MAN1B1: variants seen among roughly 807,000 people sequenced by gnomAD.
MAN1B1 encodes the protein mannosidase alpha class 1B member 1.
A neutral mutation model predicts 75.5 loss-of-function variants in MAN1B1; 66 were observed. The ratio of observed to expected loss-of-function variants is 0.87; its 90% confidence interval spans 0.72 to 1.07. MAN1B1 has a LOEUF of 1.07. Among genes scored for constraint, MAN1B1 ranks in the 50% least tolerant of loss-of-function variants. The pLI, the probability that MAN1B1 is intolerant of heterozygous loss-of-function variation, is 0.00. For missense variants in MAN1B1, 973 were observed against 912.5 expected, an observed-to-expected ratio of 1.07 and a Z score of -0.85; for synonymous variants, 453 against 382.8, an observed-to-expected ratio of 1.18 and a Z score of -2.14.
rs746359540 is a variant in MAN1B1 at position 137,088,145 on chromosome 9, G to A, written c.290G>A (p.Gly97Glu). ...CTCCTTGCCTTTCTGCTTTTCTGTG[G>A]ACTCCTCTTCTACATCAACTTGGCT... ...LFLLAFLLFC[G>E]LLFYINLADH... The change falls in exon 2 of 13, where the codon GGA (glycine) becomes GAA (glutamate). Residue 97 changes from glycine (G) to glutamate (E), a missense_variant. Physicochemically the swap from Gly to Glu is moderately conservative, Grantham distance 98 (BLOSUM62 -2). Transcript: ENST00000371589. The A allele has an allele frequency of 1.2e-6, 2 of 1,614,126 alleles. No homozygotes were observed. The highest frequency in any genetic ancestry group is 2.2e-5 in the South Asian group (2 of 91,086).
intron 3 of MAN1B1, among the ~76,000 whole-genome samples, chr9:137,090,061 G>A (rs567181024): frequency 2.0e-5 from 3 of 152,196 alleles, no homozygotes; most frequent in African/African-American, 7.2e-5. Flanking sequence ...ATTGGGGTCA[G>A]GGAGGAGGGC....
intron 10 of MAN1B1, 25 bp downstream of exon 10, chr9:137,106,834 G>A (rs768153087): frequency 1.3e-4 from 211 of 1,610,934 alleles, no homozygotes; most frequent in Middle Eastern, 1.7e-4. Flanking sequence ...GGGGCCTTCC[G>A]GCCGCCGCCC....
intron 8 of MAN1B1, chr9:137,102,524 T>C (rs1830883996): frequency 6.9e-6 from 3 of 437,108 alleles, no homozygotes; most frequent in African/African-American, 2.1e-5. Context: ...ATTCACGCTG[T>C]TGCAGGCGTG....
chr9:137,106,410 G>A, intron 9 of MAN1B1, 95 bp downstream of exon 9: 3 of 1,182,314 alleles, frequency 2.5e-6, no homozygotes, highest in Non-Finnish European at 3.5e-6. Flanking sequence ...CCCCGCTCCT[G>A]CTGCCCCCCG....
chr9:137,107,358 A>G lies in MAN1B1; in HGVS notation c.1675A>G (p.Met559Val). Residue 559 changes from methionine to valine, a missense_variant, in exon 11 of 13, where the codon ATG (methionine) becomes GTG (valine). Transcript: ENST00000371589. Reference sequence around the variant, plus strand: ...GGAGCTCATGGAGACTTGTTACCAGATGAACCGGCAGATGGAGACGGGGCT... The same window carrying G: ...GGAGCTCATGGAGACTTGTTACCAGGTGAACCGGCAGATGGAGACGGGGCT... The part of the protein sequence containing the change: ...AQELMETCYQ[M>V]NRQMETGLSP... The G allele has an allele frequency of 6.2e-7, 1 of 1,613,372 alleles. No homozygotes were observed. Among genetic ancestry groups the G allele is most frequent in the African/African-American group, 1.3e-5 (1 of 75,070 alleles).
intron 3 of MAN1B1, among the ~76,000 whole-genome samples, chr9:137,090,869 T>C (rs1283114141): frequency 6.6e-6 from 1 of 152,124 alleles, no homozygotes; most frequent in Non-Finnish European, 1.5e-5. Flanking sequence ...ATGTGTCCTT[T>C]TAAAATTTCT....
intron 6 of MAN1B1, 25 bp from the exon 7 acceptor site, chr9:137,100,980 C>T (rs746087396): frequency 6.2e-7 from 1 of 1,613,864 alleles, no homozygotes; most frequent in African/African-American, 1.3e-5. Flanking sequence ...TTTGTCTCTG[C>T]ATCCTTTACT....
Position 137,107,240 on chromosome 9 carries a change from C to T in MAN1B1, c.1567-10C>T. 1 of 1,612,440 alleles carries T rather than the reference C, an allele frequency of 6.2e-7. No homozygotes were observed. Among genetic ancestry groups the T allele is most frequent in the African/African-American group, 1.3e-5 (1 of 75,062 alleles). On this transcript the variant is annotated splice_polypyrimidine_tract_variant and intron_variant, in intron 10 of 12. Transcript: ENST00000371589. ...TGGGATCTGGGGCTGAAGAGACCCT[C>T]TGATTCCAGGACCACCTGGTGTGCT...
At chr9:137,087,860 A>G (rs1233646548) in intron 1 of MAN1B1, among the ~76,000 whole-genome samples, 1 of 152,132 alleles carries the variant, frequency 6.6e-6, no homozygotes, top group African/African-American at 2.4e-5. Context: ...CAAAATAAAT[A>G]GAGCTGGCCG....
chr9:137,098,018 G>A, intron 5 of MAN1B1, 81 bp downstream of exon 5: 2 of 1,124,882 alleles, frequency 1.8e-6, no homozygotes, highest in South Asian at 1.3e-5. Context: ...CTCAGCCATG[G>A]TGGGTGGCGC....
At chr9:137,094,172 G>A (rs563016008) in intron 3 of MAN1B1, among the ~76,000 whole-genome samples, 18 of 151,704 alleles carry the variant, frequency 1.2e-4, no homozygotes, top group Admixed American at 5.2e-4. Context: ...GTGCCACCAC[G>A]CCCGGCTAAC....
At position 137,101,476 on chromosome 9, in the gene MAN1B1, T is replaced by C. The variant is rs1259648229; in HGVS notation, c.1066-8T>C. ...GAACGTTGGTTCTCTACTCTGCTCA[T>C]ATACCAGGAGGATTTTGGAAATCGG... On this transcript the variant is annotated splice_region_variant and splice_polypyrimidine_tract_variant and intron_variant, in intron 7 of 12. Transcript: ENST00000371589. The C allele has an allele frequency of 6.2e-7, 1 of 1,613,608 alleles. No individual in the cohort carries two copies. Among genetic ancestry groups the C allele is most frequent in the East Asian group, 2.2e-5 (1 of 44,898 alleles).
intron 1 of MAN1B1, 194 bp downstream of exon 1, chr9:137,087,412 C>T: frequency 1.3e-6 from 1 of 759,640 alleles, no homozygotes; most frequent in Non-Finnish European, 2.3e-6. Flanking sequence ...GCAGCGGTCT[C>T]AGCGGCCCAA....
rs138723773 is a variant in MAN1B1 at position 137,101,044 on chromosome 9, A to T, written c.956A>T (p.His319Leu). ...AGGAAGTGGGTGTCGAAGAAGTTACACTTTGAAAAGGACGTGGACGTCAAC... is the reference window on the plus strand; with the variant it reads ...AGGAAGTGGGTGTCGAAGAAGTTACTCTTTGAAAAGGACGTGGACGTCAAC... ...EARKWVSKKL[H>L]FEKDVDVNLF... Residue 319 changes from histidine to leucine, a missense_variant, in exon 7 of 13, where the codon CAC (histidine) becomes CTC (leucine). By Grantham distance (99) the His-to-Leu change is moderately conservative. Coordinates refer to ENST00000371589, the MANE Select transcript of MAN1B1 (RefSeq NM_016219.5). 6 of 1,614,078 alleles carry T rather than the reference A, an allele frequency of 3.7e-6. No individual in the cohort carries two copies. The highest frequency in any genetic ancestry group is 3.3e-5 in the Admixed American group (2 of 60,012).
chr9:137,101,449 C>T, intron 7 of MAN1B1, 35 bp from the exon 8 acceptor site: 1 of 1,595,188 alleles, frequency 6.3e-7, no homozygotes, highest in East Asian at 2.3e-5. Context: ...TCTGGGTGAC[C>T]TGAACGTTGG....
intron 5 of MAN1B1, among the ~76,000 whole-genome samples, chr9:137,099,053 C>T (rs978026825): frequency 2.0e-5 from 3 of 152,182 alleles, no homozygotes; most frequent in African/African-American, 7.2e-5. Flanking sequence ...TGGTCTCAAA[C>T]TTCTGACCTC....
intron 8 of MAN1B1, chr9:137,103,537 C>G: frequency 2.3e-6 from 1 of 442,636 alleles, no homozygotes; most frequent in Non-Finnish European, 4.5e-6. Flanking sequence ...GTTACATTCA[C>G]GCTGTTGCAG....
At chr9:137,091,591 A>G (rs923261851) in intron 3 of MAN1B1, among the ~76,000 whole-genome samples, 2 of 143,732 alleles carry the variant, frequency 1.4e-5, no homozygotes, top group Non-Finnish European at 3.0e-5. Context: ...CAGTAGCGCA[A>G]TCTCAGGTCA....
At chr9:137,103,301 C>A (rs1830954956) in intron 8 of MAN1B1, 1 of 351,956 alleles carries the variant, frequency 2.8e-6, no homozygotes, top group Non-Finnish European at 5.4e-6. Flanking sequence ...GTGGTACATT[C>A]ATGCTGTTGC....
Sources: allele counts gnomAD v4.1 joint callset (sites outside exome capture counted in the v4.1 genomes callset), GRCh38; gene constraint gnomAD v4.1.1; transcripts MANE v1.5; gene names NCBI Gene and HGNC (gene_info 2026-07-23, HGNC 2026-07-21).